The following RFX6 variants were observed in gnomAD, a reference collection of about 807,000 sequenced individuals.
RFX6 encodes regulatory factor X6.
A neutral mutation model predicts 110.8 loss-of-function variants in RFX6; 50 were observed. The ratio of observed to expected loss-of-function variants is 0.45; its 90% CI spans 0.36 to 0.57. The LOEUF (loss-of-function observed/expected upper bound fraction) is 0.57, where lower values mean the gene tolerates loss of function less well. Ranked by LOEUF, RFX6 falls within the 20% of genes least tolerant of loss-of-function variation. The pLI, the probability that RFX6 is intolerant of heterozygous loss-of-function variation, is 0.00. For missense variants in RFX6, 990 were observed against 1,127.0 expected (o/e 0.88, Z 1.74); for synonymous variants, 383 against 411.2 (o/e 0.93, Z 0.83).
At chr6:116,900,451 T>G (rs1286550977) in intron 6 of RFX6, among the ~76,000 whole-genome samples, 1 of 152,034 alleles carries the variant, frequency 6.6e-6, no homozygotes, top group Non-Finnish European at 1.5e-5. Flanking sequence ...GTCGGGGTTT[T>G]GTCATGTTGG....
chr6:116,928,624 A>G, intron 17 of RFX6, 135 bp from the exon 18 acceptor site: 1 of 707,646 alleles, frequency 1.4e-6, no homozygotes, highest in East Asian at 2.7e-5. Flanking sequence ...CCAGTTCTGT[A>G]GCATGTATAG....
chr6:116,914,658 T>C (rs1775425449), intron 7 of RFX6, among the ~76,000 whole-genome samples: 1 of 152,196 alleles, frequency 6.6e-6, no homozygotes, highest in Admixed American at 6.5e-5. Flanking sequence ...GTTCATATCA[T>C]GGTTCTACAG....
chr6:116,924,579 G>T, intron 14 of RFX6, 90 bp from the exon 15 acceptor site: 3 of 1,201,042 alleles, frequency 2.5e-6, no homozygotes, highest in Admixed American at 3.4e-5. Context: ...TGGTCACAAA[G>T]ATAACTGACT....
intron 6 of RFX6, among the ~76,000 whole-genome samples, chr6:116,908,251 A>G (rs2114685688): frequency 6.6e-6 from 1 of 152,134 alleles, no homozygotes; most frequent in South Asian, 2.1e-4. Flanking sequence ...AACACGTGAT[A>G]TTTGTCTTTC....
At chr6:116,918,462 T>C (rs1443748018) in intron 10 of RFX6, among the ~76,000 whole-genome samples, 1 of 151,642 alleles carries the variant, frequency 6.6e-6, no homozygotes, top group Non-Finnish European at 1.5e-5. Context: ...TTGTCTTAAT[T>C]ACAAAATCAG....
At chr6:116,903,696 A>G (rs980741981) in intron 6 of RFX6, among the ~76,000 whole-genome samples, 5 of 152,088 alleles carry the variant, frequency 3.3e-5, no homozygotes, top group African/African-American at 1.2e-4. Context: ...CTACATAAAA[A>G]TAGGCTCCTT....
At chr6:116,881,720 T>C (rs1774593709) in intron 3 of RFX6, among the ~76,000 whole-genome samples, 1 of 152,048 alleles carries the variant, frequency 6.6e-6, no homozygotes, top group African/African-American at 2.4e-5. Context: ...TCTTAACTGT[T>C]TGGCAGTCAT....
rs968965154 is a variant in RFX6, at chr6:116,880,956, T to G, written c.504+289T>G. On this transcript the variant is annotated intron_variant, in intron 3 of 18. Coordinates refer to ENST00000332958, the MANE Select transcript of RFX6 (RefSeq NM_173560.4). ...GCATTAAAGTGTATAGTATGGCCTG[T>G]GGTAAGAAGCAAAATTAAGTGGAGG... 1.3e-4 allele frequency among the ~76,000 whole-genome samples: 20 copies of G among 152,058 alleles called. 1 individual carries two copies. Among genetic ancestry groups the G allele is most frequent in the Admixed American group, 1.0e-3 (16 of 15,258 alleles).
At chr6:116,901,147 G>A (rs1418341471) in intron 6 of RFX6, among the ~76,000 whole-genome samples, 6 of 152,154 alleles carry the variant, frequency 3.9e-5, no homozygotes, top group African/African-American at 9.7e-5. Flanking sequence ...TTCCAAGCAC[G>A]TTTAAGGTAG....
chr6:116,877,426 G>T lies in RFX6; in HGVS notation c.151G>T (p.Gly51Trp), dbSNP rs1774484128. ...AGAAACAGTGTACCTGGCGGCCGAA[G>T]GGCAGCCCGGGGGCGAGCAGGGCGG... ...PEETVYLAAE[G>W]QPGGEQGGGE... The change falls in exon 1 of 19, where the codon GGG (glycine) becomes TGG (tryptophan). Residue 51 changes from glycine (G) to tryptophan (W), a missense_variant. Physicochemically the swap from Gly to Trp is radical, Grantham distance 184. Around this residue, in one of 5 missense-constraint regions of RFX6, gnomAD observed 175 missense variants for 162.3 expected, o/e 1.08. Coordinates refer to ENST00000332958, the MANE Select transcript of RFX6 (RefSeq NM_173560.4). 10 of 1,596,464 alleles carry T rather than the reference G, an allele frequency of 6.3e-6. No homozygotes were observed. The highest frequency in any genetic ancestry group is 8.5e-6 in the Non-Finnish European group (10 of 1,171,322).
chr6:116,903,995 G>C (rs1446745139), intron 6 of RFX6, among the ~76,000 whole-genome samples: 1 of 151,942 alleles, frequency 6.6e-6, no homozygotes, highest in African/African-American at 2.4e-5. Flanking sequence ...CAGAGTGGTT[G>C]TATCAACTTC....
chr6:116,908,683 CACACAG>C (rs36130369), intron 6 of RFX6, among the ~76,000 whole-genome samples: 12,307 of 98,652 alleles, frequency 0.12, 582 homozygotes, highest in Non-Finnish European at 0.16. Flanking sequence ...CACACACACA[CACACAG>C]ACACACACAC....
At chr6:116,892,650 C>A (rs963172917) in intron 4 of RFX6, among the ~76,000 whole-genome samples, 1 of 152,162 alleles carries the variant, frequency 6.6e-6, no homozygotes, top group Non-Finnish European at 1.5e-5. Flanking sequence ...TTCCCCACCA[C>A]CATGTTCCCA....
chr6:116,910,719 C>G (rs1194240018), intron 6 of RFX6, among the ~76,000 whole-genome samples: 1 of 152,122 alleles, frequency 6.6e-6, no homozygotes, highest in African/African-American at 2.4e-5. Flanking sequence ...GAAAAATATT[C>G]TAACTATGAA....
intron 12 of RFX6, among the ~76,000 whole-genome samples, chr6:116,921,770 C>A (rs751173841): frequency 6.6e-6 from 1 of 151,792 alleles, no homozygotes. Flanking sequence ...CTGCAGTAAG[C>A]CATGATCACG....
At chr6:116,893,833 C>CATT (rs1256297882) in intron 4 of RFX6, among the ~76,000 whole-genome samples, 154 bp from the exon 5 acceptor site, 1 of 152,152 alleles carries the variant, frequency 6.6e-6, no homozygotes, top group Non-Finnish European at 1.5e-5. Flanking sequence ...GAATATAGCA[C>CATT]ATTAAGATGC....
intron 18 of RFX6, 62 bp downstream of exon 18, chr6:116,929,033 A>G (rs553763773): frequency 7.8e-6 from 8 of 1,028,616 alleles, no homozygotes; most frequent in Admixed American, 3.4e-5. Flanking sequence ...GGTATGCAAC[A>G]TTACTTGAGG....
chr6:116,899,674 C>T (rs1031616942), intron 6 of RFX6, among the ~76,000 whole-genome samples: 7 of 152,014 alleles, frequency 4.6e-5, no homozygotes, highest in African/African-American at 1.7e-4. Context: ...ATTTCTATAC[C>T]TCACAACTTA....
intron 12 of RFX6, among the ~76,000 whole-genome samples, chr6:116,921,246 AAC>A (rs1388775013): frequency 2.0e-5 from 3 of 152,186 alleles, no homozygotes; most frequent in African/African-American, 7.2e-5. Flanking sequence ...TAAACCTTAA[AAC>A]CTTTAATAAA....
Sources: allele counts gnomAD v4.1 joint callset (sites outside exome capture counted in the v4.1 genomes callset), GRCh38; gene constraint gnomAD v4.1.1; regional missense constraint gnomAD v4.1.1; transcripts MANE v1.5; gene names NCBI Gene and HGNC (gene_info 2026-07-23, HGNC 2026-07-21).